ACACA: variants seen among roughly 807,000 people sequenced by gnomAD.
The protein encoded by ACACA is acetyl-CoA carboxylase alpha.
In ACACA, 103 loss-of-function variants were observed where a neutral mutation model predicts 296.1. The observed-to-expected ratio is 0.35, with a 90% CI of 0.30 to 0.41. The LOEUF (loss-of-function observed/expected upper bound fraction) is 0.41, where lower values mean the gene tolerates loss of function less well. Among genes scored for constraint, ACACA ranks in the 10% least tolerant of loss-of-function variants. The pLI is 1.00. For missense variants in ACACA, 1,554 were observed against 2,989.7 expected (o/e 0.52, Z 11.20); for synonymous variants, 953 against 1,038.6 (o/e 0.92, Z 1.58).
At chr17:37,334,382 T>C (rs1359492216) in intron 2 of ACACA, among the ~76,000 whole-genome samples, 1 of 152,044 alleles carries the variant, frequency 6.6e-6, no homozygotes, top group African/African-American at 2.4e-5. Context: ...AAAGGAACTA[T>C]TCCACCCTGG....
intron 43 of ACACA, 82 bp from the exon 44 acceptor site, chr17:37,151,503 C>T (rs565084893): frequency 2.6e-4 from 405 of 1,553,514 alleles, no homozygotes; most frequent in South Asian, 3.8e-4. Context: ...CAATAAAAGG[C>T]GGCTAAAAGT....
intron 3 of ACACA, among the ~76,000 whole-genome samples, chr17:37,294,341 C>T (rs186596038): frequency 1.6e-4 from 25 of 152,240 alleles, no homozygotes; most frequent in Non-Finnish European, 3.2e-4. Context: ...ACTTAAGTCA[C>T]GTGAACTTGA....
At chr17:37,192,457 TACAGCTTAC>T in intron 36 of ACACA, 152 bp from the exon 37 acceptor site, 1 of 726,822 alleles carries the variant, frequency 1.4e-6, no homozygotes, top group Non-Finnish European at 2.4e-6. Context: ...AGGCTAATGC[TACAGCTTAC>T]ATAAGATTAG....
intron 35 of ACACA, among the ~76,000 whole-genome samples, chr17:37,194,546 C>T (rs1157640402): frequency 1.3e-5 from 2 of 152,152 alleles, no homozygotes; most frequent in Non-Finnish European, 2.9e-5. Flanking sequence ...AGAGTATTAC[C>T]TTTCTCTTTT....
At chr17:37,316,772 C>G (rs2047112949) in intron 3 of ACACA, among the ~76,000 whole-genome samples, 1 of 152,134 alleles carries the variant, frequency 6.6e-6, no homozygotes, top group Admixed American at 6.6e-5. Flanking sequence ...CTATTCACAA[C>G]AGCCAAAATT....
intron 1 of ACACA, among the ~76,000 whole-genome samples, chr17:37,385,638 A>G (rs1292224314): frequency 6.6e-6 from 1 of 152,090 alleles, no homozygotes; most frequent in Non-Finnish European, 1.5e-5. Flanking sequence ...GTGATATTTC[A>G]TGTTCTTCCT....
chr17:37,398,873 T>C (rs1354617085), intron 1 of ACACA, among the ~76,000 whole-genome samples: 4 of 142,218 alleles, frequency 2.8e-5, no homozygotes, highest in African/African-American at 1.1e-4. Flanking sequence ...CGTGAGCTAC[T>C]GCATCGGGCT....
At chr17:37,179,703 A>G (rs908484412) in intron 40 of ACACA, among the ~76,000 whole-genome samples, 5 of 152,220 alleles carry the variant, frequency 3.3e-5, no homozygotes, top group Non-Finnish European at 1.5e-5. Context: ...TTAAAATTAA[A>G]AAACTAAATA....
At chr17:37,142,912 GAATA>G (rs1470728756) in intron 45 of ACACA, among the ~76,000 whole-genome samples, 12 of 152,214 alleles carry the variant, frequency 7.9e-5, no homozygotes, top group African/African-American at 2.9e-4. Context: ...AAAGTATAGA[GAATA>G]ATGTGTTCGT....
At chr17:37,213,669 A>C (rs951713712) in intron 29 of ACACA, among the ~76,000 whole-genome samples, 2 of 152,196 alleles carry the variant, frequency 1.3e-5, no homozygotes, top group African/African-American at 4.8e-5. Flanking sequence ...TTAGCATTCC[A>C]CATCAGTATA....
intron 29 of ACACA, among the ~76,000 whole-genome samples, chr17:37,219,291 A>C (rs1386410480): frequency 2.0e-5 from 3 of 152,180 alleles, no homozygotes; most frequent in Non-Finnish European, 4.4e-5. Context: ...CAGGGAACAA[A>C]CTGGGAAGCT....
intron 1 of ACACA, among the ~76,000 whole-genome samples, chr17:37,385,001 G>A (rs761964029): frequency 2.0e-5 from 3 of 152,192 alleles, no homozygotes; most frequent in Non-Finnish European, 4.4e-5. Context: ...TTCTGGAGAC[G>A]AGTGAGGTTA....
chr17:37,181,236 T>C lies in ACACA; in HGVS notation c.4897A>G (p.Thr1633Ala). 1 of 1,614,148 alleles carries C rather than the reference T, an allele frequency of 6.2e-7. No homozygotes were observed. Among genetic ancestry groups the C allele is most frequent in the Non-Finnish European group, 8.5e-7 (1 of 1,179,994 alleles). ...ATCTCTGGGATATCATATATGTATG[T>C]TGTCCCTAAGGATTGTGCCTGGAAC... ...KRFQAQSLGT[T>A]YIYDIPEMFR... Residue 1633 changes from threonine to alanine, a missense_variant, in exon 40 of 56, where the codon ACA becomes GCA. By Grantham distance (58) the Thr-to-Ala change is moderately conservative (BLOSUM62 0). Coordinates refer to ENST00000616317, the MANE Select transcript of ACACA (RefSeq NM_198834.3).
chr17:37,169,552 T>G (rs749546508), intron 41 of ACACA, among the ~76,000 whole-genome samples: 7 of 152,206 alleles, frequency 4.6e-5, no homozygotes, highest in Non-Finnish European at 8.8e-5. Flanking sequence ...CTCTAATTAG[T>G]ACACTGTTAA....
At chr17:37,312,969 T>C (rs757175084) in intron 3 of ACACA, among the ~76,000 whole-genome samples, 4 of 152,220 alleles carry the variant, frequency 2.6e-5, no homozygotes, top group Non-Finnish European at 5.9e-5. Context: ...CAGGATATCC[T>C]GGAACCCAAA....
At chr17:37,215,819 A>G (rs1207405170) in intron 29 of ACACA, among the ~76,000 whole-genome samples, 1 of 152,146 alleles carries the variant, frequency 6.6e-6, no homozygotes, top group Non-Finnish European at 1.5e-5. Context: ...TAGGGAAAGA[A>G]GGAGAAAAAG....
chr17:37,155,359 T>A (rs2076197722), intron 43 of ACACA, among the ~76,000 whole-genome samples: 1 of 152,184 alleles, frequency 6.6e-6, no homozygotes, highest in Non-Finnish European at 1.5e-5. Flanking sequence ...AAAAGATATG[T>A]CTATAGAAAA....
At chr17:37,160,476 G>A (rs1431255375) in intron 42 of ACACA, among the ~76,000 whole-genome samples, 1 of 152,264 alleles carries the variant, frequency 6.6e-6, no homozygotes, top group Non-Finnish European at 1.5e-5. Flanking sequence ...AGCTAAGAGT[G>A]GGGAGAGGGA....
intron 49 of ACACA, 39 bp downstream of exon 49, chr17:37,122,492 C>G: frequency 1.9e-6 from 3 of 1,546,280 alleles, no homozygotes; most frequent in Non-Finnish European, 2.7e-6. Context: ...AGAGAAAAAC[C>G]CTCCAAGCAC....
Sources: gnomAD v4.1 joint callset for allele counts (sites outside exome capture counted in the v4.1 genomes callset) on GRCh38, gnomAD v4.1.1 for gene constraint, MANE v1.5 for transcripts, NCBI Gene and HGNC (gene_info 2026-07-23, HGNC 2026-07-21) for gene names.